The following MYRIP variants were observed in gnomAD, a reference collection of about 807,000 sequenced individuals.
MYRIP encodes the protein myosin VIIA and Rab interacting protein, also known as rab effector MyRIP.
MYRIP carries 49 observed loss-of-function variants against 98.0 expected under a neutral mutation model. That is an observed-to-expected ratio of 0.50 (90% CI 0.40 to 0.63). MYRIP has a LOEUF of 0.63. MYRIP is among the 30% of genes least tolerant of loss of function. The probability of loss-of-function intolerance (pLI) is 0.00; values close to 1 mark genes in which losing one functional copy is unlikely to be tolerated. For synonymous variants in MYRIP, 404 were observed against 409.5 expected (o/e 0.99, Z 0.16); for missense variants, 1,004 against 1,058.2 (o/e 0.95, Z 0.71).
At chr3:40,117,314 T>G (rs1391161544) in intron 3 of MYRIP, among the ~76,000 whole-genome samples, 2 of 152,172 alleles carry the variant, frequency 1.3e-5, no homozygotes, top group Non-Finnish European at 2.9e-5. Context: ...TTACAAAGTG[T>G]GATTTCATCA....
chr3:40,021,273 A>G (rs1304905424), intron 2 of MYRIP, among the ~76,000 whole-genome samples: 3 of 151,794 alleles, frequency 2.0e-5, no homozygotes, highest in Non-Finnish European at 4.4e-5. Flanking sequence ...TAGGAGGATC[A>G]GCTGTAGATA....
intron 8 of MYRIP, among the ~76,000 whole-genome samples, chr3:40,180,316 CCATT>C (rs1950855481): frequency 6.6e-6 from 1 of 152,160 alleles, no homozygotes; most frequent in South Asian, 2.1e-4. Context: ...CATTTTGTAA[CCATT>C]CACTCGATAG....
chr3:40,217,480 A>C (rs1432720786), intron 11 of MYRIP, among the ~76,000 whole-genome samples: 4 of 152,188 alleles, frequency 2.6e-5, no homozygotes, highest in African/African-American at 9.6e-5. Flanking sequence ...AAACATGATT[A>C]TTTTATTAAA....
At chr3:40,145,005 T>C (rs934115494) in intron 3 of MYRIP, among the ~76,000 whole-genome samples, 2 of 152,208 alleles carry the variant, frequency 1.3e-5, no homozygotes, top group Non-Finnish European at 2.9e-5. Flanking sequence ...AAAGAAATTA[T>C]CAAGCCCTCT....
intron 3 of MYRIP, among the ~76,000 whole-genome samples, chr3:40,089,739 T>C (rs928540177): frequency 5.3e-5 from 8 of 152,238 alleles, no homozygotes; most frequent in African/African-American, 1.9e-4. Context: ...CTCTGTTGGA[T>C]GTTGCTGGCT....
intron 2 of MYRIP, among the ~76,000 whole-genome samples, chr3:39,973,523 A>G (rs1945657529): frequency 6.6e-6 from 1 of 152,160 alleles, no homozygotes; most frequent in African/African-American, 2.4e-5. Context: ...GATATCCAGG[A>G]ACTGAACTCA....
chr3:39,979,656 A>C (rs1575432982), intron 2 of MYRIP, among the ~76,000 whole-genome samples: 2 of 80,252 alleles, frequency 2.5e-5, no homozygotes, highest in Non-Finnish European at 5.5e-5. Flanking sequence ...AAAACAAAAC[A>C]AAAAAAAAAA....
intron 10 of MYRIP, among the ~76,000 whole-genome samples, chr3:40,190,978 G>T (rs1574138): frequency 0.87 from 131,627 of 152,156 alleles, 57,289 homozygotes; most frequent in Middle Eastern, 0.95. Flanking sequence ...ACCTCAAAAG[G>T]TGTTCATGAC....
chr3:40,129,551 G>A lies in MYRIP; in HGVS notation c.333-21497G>A, dbSNP rs548533466. Reference sequence around the variant, plus strand: ...TTGCTAAAATGCAGATTCTGATTCAGCAGGTCACAATGTGAGTGTGGAGGT... The same window carrying A: ...TTGCTAAAATGCAGATTCTGATTCAACAGGTCACAATGTGAGTGTGGAGGT... On this transcript the variant is annotated intron_variant, in intron 3 of 16. Coordinates refer to ENST00000302541, the MANE Select transcript of MYRIP (RefSeq NM_015460.4). Among the ~76,000 whole-genome samples the A allele has an allele frequency of 8.1e-5, 12 of 149,064 alleles. No individual in the cohort carries two copies. In the South Asian group the frequency reaches 2.5e-3, roughly 32 times the overall value.
chr3:40,142,061 T>TC (rs1339673516), intron 3 of MYRIP, among the ~76,000 whole-genome samples: 1 of 148,914 alleles, frequency 6.7e-6, no homozygotes, highest in Non-Finnish European at 1.5e-5. Context: ...TTTTTTTTTT[T>TC]TTTTTTTTTG....
intron 3 of MYRIP, among the ~76,000 whole-genome samples, chr3:40,140,462 C>T (rs1046381165): frequency 6.6e-6 from 1 of 152,142 alleles, no homozygotes; most frequent in African/African-American, 2.4e-5. Flanking sequence ...GATTTCCTTT[C>T]ATTTGGATAA....
chr3:39,984,659 C>G (rs1470914373), intron 2 of MYRIP, among the ~76,000 whole-genome samples: 1 of 152,004 alleles, frequency 6.6e-6, no homozygotes, highest in Non-Finnish European at 1.5e-5. Context: ...CAAGTCTTTG[C>G]TGTTGTGAAT....
Position 39,875,833 on chromosome 3 carries a change from G to A in MYRIP, c.-30-24954G>A, listed in dbSNP as rs1258869607. On this transcript the variant is annotated intron_variant, in intron 1 of 16. Transcript: ENST00000302541. ...GTATATTCTGTTGATTTGGGGTGGA[G>A]AGTTCTGTAGATGTCTATTAGGTGC... 2.0e-5 allele frequency among the ~76,000 whole-genome samples: 3 copies of A among 151,964 alleles called. No homozygotes were observed. The East Asian group carries it at 5.8e-4, about 29-fold the overall frequency.
At position 40,098,209 on chromosome 3, in the gene MYRIP, T is replaced by C. The variant is rs992629894; in HGVS notation, c.333-52839T>C. 4.6e-5 allele frequency among the ~76,000 whole-genome samples: 7 copies of C among 152,366 alleles called. No individual in the cohort carries two copies. In the South Asian group the frequency reaches 1.4e-3, roughly 32 times the overall value. On this transcript the variant is annotated intron_variant, in intron 3 of 16. Transcript: ENST00000302541. Reference sequence around the variant, plus strand: ...GTAGAAGTGCATTAAGTTTGCATTTTATTTGCTAAATATACATTTCTTTCC... The same window carrying C: ...GTAGAAGTGCATTAAGTTTGCATTTCATTTGCTAAATATACATTTCTTTCC...
At chr3:40,184,052 T>C (rs1427874642) in intron 9 of MYRIP, among the ~76,000 whole-genome samples, 2 of 152,254 alleles carry the variant, frequency 1.3e-5, no homozygotes, top group Non-Finnish European at 1.5e-5. Flanking sequence ...CTGCAGCATG[T>C]GATCGTTTCT....
chr3:40,244,872 C>T (rs942062784), intron 13 of MYRIP, among the ~76,000 whole-genome samples: 3 of 152,190 alleles, frequency 2.0e-5, no homozygotes, highest in African/African-American at 4.8e-5. Flanking sequence ...TTTCCTGACC[C>T]ATACATAGGT....
At chr3:40,048,426 A>C (rs560324085) in intron 3 of MYRIP, among the ~76,000 whole-genome samples, 38 of 152,308 alleles carry the variant, frequency 2.5e-4, no homozygotes, top group African/African-American at 8.2e-4. Context: ...ACAAAAAAGG[A>C]GTAGGAATTA....
intron 3 of MYRIP, among the ~76,000 whole-genome samples, chr3:40,088,825 G>C (rs1313828515): frequency 6.6e-6 from 1 of 152,196 alleles, no homozygotes; most frequent in African/African-American, 2.4e-5. Context: ...GGCAGAGGCT[G>C]GCATGCTCAG....
intron 1 of MYRIP, among the ~76,000 whole-genome samples, chr3:39,811,423 G>A (rs1216753758): frequency 6.6e-6 from 1 of 152,198 alleles, no homozygotes; most frequent in Admixed American, 6.5e-5. Context: ...GGTGGAAATG[G>A]AGGTAATTTA....
Sources: allele counts gnomAD v4.1 joint callset (sites outside exome capture counted in the v4.1 genomes callset), GRCh38; gene constraint gnomAD v4.1.1; transcripts MANE v1.5; gene names NCBI Gene and HGNC (gene_info 2026-07-23, HGNC 2026-07-21).